STXBP5L: variants seen among roughly 807,000 people sequenced by gnomAD.
The protein encoded by STXBP5L is syntaxin binding protein 5L.
A neutral mutation model predicts 144.5 loss-of-function variants in STXBP5L; 65 were observed. That is an observed-to-expected ratio of 0.45 (90% CI 0.37 to 0.55). The LOEUF is 0.55. Among genes scored for constraint, STXBP5L ranks in the 20% least tolerant of loss-of-function variants. The pLI, the probability that STXBP5L is intolerant of heterozygous loss-of-function variation, is 0.00. For synonymous variants in STXBP5L, 505 were observed against 469.6 expected, an observed-to-expected ratio of 1.08 and a Z score of -0.97; for missense variants, 1,298 against 1,405.5, an observed-to-expected ratio of 0.92 and a Z score of 1.22.
intron 3 of STXBP5L, among the ~76,000 whole-genome samples, chr3:120,980,856 C>T (rs1383787067): frequency 1.3e-5 from 2 of 152,118 alleles, no homozygotes; most frequent in Non-Finnish European, 2.9e-5. Context: ...TTCATTTCCA[C>T]GTTTTGAACT....
chr3:120,954,782 A>C (rs1937834532), intron 2 of STXBP5L, among the ~76,000 whole-genome samples, 158 bp from the exon 3 acceptor site: 1 of 151,986 alleles, frequency 6.6e-6, no homozygotes, highest in Non-Finnish European at 1.5e-5. Flanking sequence ...TCAGCAATGT[A>C]TGAGTTTAGG....
chr3:121,347,425 T>G (rs2045043357), intron 20 of STXBP5L, among the ~76,000 whole-genome samples: 1 of 152,176 alleles, frequency 6.6e-6, no homozygotes, highest in African/African-American at 2.4e-5. Flanking sequence ...AGGATTGACT[T>G]GGATTGACTT....
At chr3:121,379,422 A>C (rs1449300762) in intron 21 of STXBP5L, among the ~76,000 whole-genome samples, 1 of 152,070 alleles carries the variant, frequency 6.6e-6, no homozygotes, top group African/African-American at 2.4e-5. Context: ...GAGACCAGAA[A>C]TTTTTACAGA....
At chr3:121,175,852 G>C (rs2046912829) in intron 9 of STXBP5L, among the ~76,000 whole-genome samples, 2 of 146,204 alleles carry the variant, frequency 1.4e-5, no homozygotes, top group Admixed American at 1.4e-4. Flanking sequence ...TAGATAAGTT[G>C]ACAGTAAAAA....
chr3:120,948,458 T>C (rs1250767371), intron 2 of STXBP5L, among the ~76,000 whole-genome samples: 2 of 151,860 alleles, frequency 1.3e-5, no homozygotes, highest in Non-Finnish European at 2.9e-5. Context: ...TTTGGTTACA[T>C]AGATAACTAC....
intron 1 of STXBP5L, 144 bp from the exon 2 acceptor site, chr3:120,909,427 G>T: frequency 1.4e-6 from 1 of 696,416 alleles, no homozygotes. Context: ...AACGAATCCT[G>T]ACTCTTTTTT....
chr3:121,254,250 A>T (rs2050134369), intron 15 of STXBP5L, among the ~76,000 whole-genome samples: 1 of 152,184 alleles, frequency 6.6e-6, no homozygotes, highest in Non-Finnish European at 1.5e-5. Flanking sequence ...CATGGTCTCC[A>T]ATGGAAAAAT....
intron 3 of STXBP5L, among the ~76,000 whole-genome samples, chr3:120,964,428 C>T (rs1332639781): frequency 6.6e-6 from 1 of 152,132 alleles, no homozygotes; most frequent in Non-Finnish European, 1.5e-5. Context: ...TACATACCCT[C>T]TATACACTGC....
Position 121,114,910 on chromosome 3 carries a change from T to C in STXBP5L, c.471-15T>C. ...TAAAATTTAGATATTTTAATTATAA[T>C]TTTCTTTCTTTCAGAATTACTTACT... On this transcript the variant is annotated splice_polypyrimidine_tract_variant and intron_variant, in intron 5 of 26. Coordinates refer to ENST00000471454, the MANE Select transcript of STXBP5L (RefSeq NM_001308330.2). 1 of 1,460,268 alleles carries C rather than the reference T, an allele frequency of 6.8e-7. No homozygotes were observed. Among genetic ancestry groups the C allele is most frequent in the Non-Finnish European group, 9.1e-7 (1 of 1,100,258 alleles). The allele number at this position is 1,460,268 out of a possible 1,614,324, so 90.5% of individuals were successfully genotyped here.
intron 10 of STXBP5L, among the ~76,000 whole-genome samples, chr3:121,217,461 C>T (rs186396202): frequency 4.6e-5 from 7 of 152,192 alleles, no homozygotes; most frequent in Admixed American, 3.3e-4. Context: ...TTGCACTTCC[C>T]GGGTGAGGTG....
At chr3:121,270,040 T>C (rs1402915691) in intron 18 of STXBP5L, among the ~76,000 whole-genome samples, 1 of 152,208 alleles carries the variant, frequency 6.6e-6, no homozygotes, top group Non-Finnish European at 1.5e-5. Flanking sequence ...TTTGCTGGAA[T>C]AGAATTCTTG....
chr3:120,959,553 G>C (rs1254740811), intron 3 of STXBP5L, among the ~76,000 whole-genome samples: 1 of 152,098 alleles, frequency 6.6e-6, no homozygotes, highest in African/African-American at 2.4e-5. Flanking sequence ...CCAAAACAGA[G>C]ATATAGACCA....
At chr3:120,937,380 C>A (rs535480304) in intron 2 of STXBP5L, among the ~76,000 whole-genome samples, 2 of 152,028 alleles carry the variant, frequency 1.3e-5, no homozygotes, top group African/African-American at 4.8e-5. Context: ...ACCTCTAACC[C>A]TCCCCACTCC....
chr3:121,157,894 A>G, intron 9 of STXBP5L: 1 of 353,200 alleles, frequency 2.8e-6, no homozygotes, highest in Non-Finnish European at 5.1e-6. Context: ...TGGTTGATAT[A>G]TCTGGGGCAG....
At chr3:121,157,405 T>A in intron 8 of STXBP5L, 99 bp from the exon 9 acceptor site, 1 of 1,244,676 alleles carries the variant, frequency 8.0e-7, no homozygotes, top group Non-Finnish European at 1.1e-6. Context: ...GTTGTTAGTA[T>A]AATAATTTTA....
At chr3:121,060,401 G>A (rs1261233879) in intron 5 of STXBP5L, among the ~76,000 whole-genome samples, 6 of 152,092 alleles carry the variant, frequency 3.9e-5, no homozygotes, top group African/African-American at 1.2e-4. Context: ...TTTTCACATC[G>A]ATATTCATCA....
chr3:120,983,227 G>T (rs777331986), intron 3 of STXBP5L, among the ~76,000 whole-genome samples: 3 of 152,108 alleles, frequency 2.0e-5, no homozygotes, highest in Non-Finnish European at 4.4e-5. Context: ...TGGCCTCTCA[G>T]AGTGGTGCTG....
At chr3:121,171,698 G>C (rs544820891) in intron 9 of STXBP5L, among the ~76,000 whole-genome samples, 196 of 152,258 alleles carry the variant, frequency 1.3e-3, no homozygotes, top group Middle Eastern at 6.8e-3. Context: ...GGAAATAGGA[G>C]AGAACACAAA....
intron 4 of STXBP5L, among the ~76,000 whole-genome samples, chr3:121,043,538 G>A (rs1331036224): frequency 1.4e-4 from 22 of 151,988 alleles, no homozygotes; most frequent in African/African-American, 4.8e-4. Context: ...GTGAAACCCC[G>A]TCTCTACTAA....
Sources: allele counts gnomAD v4.1 joint callset (sites outside exome capture counted in the v4.1 genomes callset), GRCh38; gene constraint gnomAD v4.1.1; transcripts MANE v1.5; gene names NCBI Gene and HGNC (gene_info 2026-07-23, HGNC 2026-07-21).